AGBL4: variants seen among roughly 807,000 people sequenced by gnomAD.
AGBL4 encodes the protein AGBL carboxypeptidase 4, also known as cytosolic carboxypeptidase 6.
Under a neutral mutation model 66.4 loss-of-function variants are expected in AGBL4, and 58 were observed. The ratio of observed to expected loss-of-function variants is 0.87; its 90% CI spans 0.71 to 1.09. The LOEUF is 1.09. AGBL4 is among the 50% of genes least tolerant of loss of function. AGBL4 has a pLI of 0.00. For synonymous variants in AGBL4, 234 were observed against 222.9 expected (o/e 1.05, Z -0.44); for missense variants, 579 against 631.0 (o/e 0.92, Z 0.88).
At chr1:49,603,926 GTA>G (rs1346840503) in intron 3 of AGBL4, among the ~76,000 whole-genome samples, 2 of 105,948 alleles carry the variant, frequency 1.9e-5, no homozygotes, top group Non-Finnish European at 3.6e-5. Flanking sequence ...GTATTCCATG[GTA>G]TACACACACA....
intron 3 of AGBL4, among the ~76,000 whole-genome samples, chr1:49,390,761 T>G (rs1340212102): frequency 6.6e-6 from 1 of 152,200 alleles, no homozygotes; most frequent in Non-Finnish European, 1.5e-5. Flanking sequence ...CATTTGGTGT[T>G]TTGGCCCACT....
At chr1:48,936,371 GA>G (rs1655477670) in intron 5 of AGBL4, among the ~76,000 whole-genome samples, 1 of 152,072 alleles carries the variant, frequency 6.6e-6, no homozygotes, top group South Asian at 2.1e-4. Context: ...GGCAACTTTG[GA>G]AAGCCACCCT....
chr1:49,889,517 G>A (rs937992187), intron 1 of AGBL4, among the ~76,000 whole-genome samples: 17 of 152,026 alleles, frequency 1.1e-4, no homozygotes, highest in African/African-American at 4.1e-4. Flanking sequence ...AGCTCTTTGG[G>A]AGGCCGAGGC....
At chr1:48,587,255 C>T in intron 10 of AGBL4, 89 bp from the exon 11 acceptor site, 1 of 1,324,672 alleles carries the variant, frequency 7.5e-7, no homozygotes, top group Non-Finnish European at 1.0e-6. Flanking sequence ...TGGGTCTCAG[C>T]TTCACTGTCT....
intron 4 of AGBL4, among the ~76,000 whole-genome samples, chr1:49,097,726 G>A (rs758053262): frequency 2.0e-5 from 3 of 152,112 alleles, no homozygotes; most frequent in African/African-American, 7.2e-5. Context: ...GATTACAGGC[G>A]TGCACCACCA....
At chr1:49,560,507 T>C (rs1031128203) in intron 3 of AGBL4, among the ~76,000 whole-genome samples, 1 of 152,052 alleles carries the variant, frequency 6.6e-6, no homozygotes, top group Non-Finnish European at 1.5e-5. Flanking sequence ...CTAAAAGTTA[T>C]TGGCCTCAAA....
intron 5 of AGBL4, among the ~76,000 whole-genome samples, chr1:48,952,681 A>G (rs1427141665): frequency 6.6e-6 from 1 of 152,188 alleles, no homozygotes; most frequent in East Asian, 1.9e-4. Flanking sequence ...GAGAGCTCCA[A>G]GGCAGAGAAG....
At chr1:49,805,272 T>C (rs918923853) in intron 2 of AGBL4, among the ~76,000 whole-genome samples, 3 of 152,120 alleles carry the variant, frequency 2.0e-5, no homozygotes, top group Admixed American at 1.3e-4. Context: ...GAACAGAAGA[T>C]AAGAATTCAG....
At chr1:49,506,457 G>T (rs1648696934) in intron 3 of AGBL4, among the ~76,000 whole-genome samples, 1 of 152,032 alleles carries the variant, frequency 6.6e-6, no homozygotes. Flanking sequence ...AATCATGGGG[G>T]TGGGTCTTTC....
chr1:49,891,123 CA>C (rs1648602680), intron 1 of AGBL4, among the ~76,000 whole-genome samples: 1 of 151,842 alleles, frequency 6.6e-6, no homozygotes, highest in African/African-American at 2.4e-5. Context: ...CAAAAAGCAT[CA>C]GAGGTAGAAG....
chr1:48,682,376 A>G (rs765855298), intron 6 of AGBL4, among the ~76,000 whole-genome samples: 1 of 151,932 alleles, frequency 6.6e-6, no homozygotes, highest in Non-Finnish European at 1.5e-5. Context: ...GTAAAAGAGG[A>G]AAACAATATT....
At chr1:48,720,108 G>T (rs1647120420) in intron 6 of AGBL4, among the ~76,000 whole-genome samples, 1 of 152,178 alleles carries the variant, frequency 6.6e-6, no homozygotes, top group Non-Finnish European at 1.5e-5. Context: ...CAGGCTTCTA[G>T]GGAGAGGTCC....
At chr1:49,033,854 G>C (rs1285390410) in intron 5 of AGBL4, among the ~76,000 whole-genome samples, 1 of 130,216 alleles carries the variant, frequency 7.7e-6, no homozygotes. Context: ...CAGATTTTTA[G>C]TTTGGTTTGG....
chr1:49,793,452 A>T (rs1396528627), intron 2 of AGBL4, among the ~76,000 whole-genome samples: 1 of 152,024 alleles, frequency 6.6e-6, no homozygotes, highest in Non-Finnish European at 1.5e-5. Flanking sequence ...GAGTAGAATA[A>T]TAATAATAGA....
chr1:48,960,363 C>T lies in AGBL4; in HGVS notation c.594+85221G>A, dbSNP rs192556613. 1.7e-4 allele frequency among the ~76,000 whole-genome samples: 26 copies of T among 152,220 alleles called. 1 individual carries two copies. The highest frequency in any genetic ancestry group is 5.2e-4 in the Admixed American group (8 of 15,288). Reference sequence around the variant, plus strand: ...TTTTGGACAAGCTGTACTTCATATGCTTATCCAAGCCAAGATATTGAGTTA... The same window carrying T: ...TTTTGGACAAGCTGTACTTCATATGTTTATCCAAGCCAAGATATTGAGTTA... On this transcript the variant is annotated intron_variant, in intron 5 of 13. Coordinates refer to ENST00000371839, the MANE Select transcript of AGBL4 (RefSeq NM_032785.4).
At chr1:49,609,585 A>G (rs906632147) in intron 3 of AGBL4, among the ~76,000 whole-genome samples, 1 of 152,144 alleles carries the variant, frequency 6.6e-6, no homozygotes, top group African/African-American at 2.4e-5. Flanking sequence ...ATTTAGCCCT[A>G]TGATCTTAAG....
intron 6 of AGBL4, among the ~76,000 whole-genome samples, chr1:48,814,839 G>A (rs1397456418): frequency 1.3e-5 from 2 of 152,084 alleles, no homozygotes; most frequent in African/African-American, 2.4e-5. Flanking sequence ...CATCTTGGCT[G>A]TTAACAGTTC....
chr1:48,938,082 G>A (rs1212212727), intron 5 of AGBL4, among the ~76,000 whole-genome samples: 2 of 152,178 alleles, frequency 1.3e-5, no homozygotes, highest in Non-Finnish European at 2.9e-5. Context: ...ATAAAGTACT[G>A]AAGGTGTATG....
intron 3 of AGBL4, among the ~76,000 whole-genome samples, chr1:49,446,851 T>A (rs1446781464): frequency 6.6e-6 from 1 of 152,192 alleles, no homozygotes; most frequent in Non-Finnish European, 1.5e-5. Context: ...CTCTGGTTGG[T>A]GATGGCAATA....
Sources: allele counts gnomAD v4.1 joint callset (sites outside exome capture counted in the v4.1 genomes callset), GRCh38; gene constraint gnomAD v4.1.1; transcripts MANE v1.5; gene names NCBI Gene and HGNC (gene_info 2026-07-23, HGNC 2026-07-21).